The following CA5A variants were observed in gnomAD, a reference collection of about 807,000 sequenced individuals.
CA5A encodes carbonic anhydrase 5A.
Under a neutral mutation model 37.1 loss-of-function variants are expected in CA5A, and 28 were observed. That is an observed-to-expected ratio of 0.75 (90% CI 0.56 to 1.03). The LOEUF is 1.03. CA5A is among the 50% of genes least tolerant of loss of function. The pLI, the probability that CA5A is intolerant of heterozygous loss-of-function variation, is 0.00. For synonymous variants in CA5A, 171 were observed against 158.4 expected (o/e 1.08, Z -0.60); for missense variants, 444 against 399.9 (o/e 1.11, Z -0.94).
At chr16:87,895,810 G>T (rs147965755) in intron 5 of CA5A, among the ~76,000 whole-genome samples, 46 of 152,222 alleles carry the variant, frequency 3.0e-4, no homozygotes, top group African/African-American at 1.1e-3. Flanking sequence ...CGCTTTTGAG[G>T]CTCACCCACA....
Position 87,936,487 on chromosome 16 carries a change from G to A in CA5A, c.-37C>T. 1.2e-6 allele frequency: 2 copies of A among 1,611,166 alleles called. No homozygotes were observed. The highest frequency in any genetic ancestry group is 1.7e-6 in the Non-Finnish European group (2 of 1,179,042). On this transcript the variant is annotated 5_prime_UTR_variant, in exon 1 of 7. Coordinates refer to ENST00000649794, the MANE Select transcript of CA5A (RefSeq NM_001739.2). ...TCCCACTGACTCCAGTCTGAAGAGG[G>A]TGATGTTCCCTGCTGTCTGTTCTCA... is the stretch of plus-strand genomic sequence containing the variant.
intron 2 of CA5A, among the ~76,000 whole-genome samples, chr16:87,924,783 C>CGTCCCGCTTGTTG (rs886306385): frequency 2.6e-5 from 4 of 152,224 alleles, no homozygotes; most frequent in Non-Finnish European, 4.4e-5. Flanking sequence ...GTGGGGGCAG[C>CGTCCCGCTTGTTG]GTCCCGCTTG....
At chr16:87,924,851 A>T (rs1162455002) in intron 2 of CA5A, among the ~76,000 whole-genome samples, 1 of 152,218 alleles carries the variant, frequency 6.6e-6, no homozygotes, top group Non-Finnish European at 1.5e-5. Context: ...GCTGGCAGCC[A>T]TGTGGGAGTT....
intron 2 of CA5A, among the ~76,000 whole-genome samples, chr16:87,917,127 GAAAA>G: frequency 1.3e-5 from 1 of 75,856 alleles, no homozygotes; most frequent in Admixed American, 1.0e-4. Flanking sequence ...AAAAAGAAAA[GAAAA>G]GAAAGAAAAG....
chr16:87,902,019 G>C (rs773645029), intron 4 of CA5A, 45 bp from the exon 5 acceptor site: 24 of 1,509,706 alleles, frequency 1.6e-5, no homozygotes, highest in East Asian at 1.1e-4. Flanking sequence ...GGCAGTGGAT[G>C]GGGGGGGAAG....
intron 2 of CA5A, chr16:87,924,325 G>A: frequency 1.0e-6 from 1 of 984,802 alleles, no homozygotes; most frequent in Admixed American, 6.1e-5. Context: ...AGGCAGCGTG[G>A]CTCCTTCTCA....
intron 2 of CA5A, among the ~76,000 whole-genome samples, chr16:87,920,959 A>G (rs2056222105): frequency 6.6e-6 from 1 of 151,308 alleles, no homozygotes; most frequent in East Asian, 2.0e-4. Context: ...ACGCCTGGCT[A>G]CTTTTGTATT....
chr16:87,916,145 G>A (rs1286666603), intron 2 of CA5A, among the ~76,000 whole-genome samples: 1 of 145,568 alleles, frequency 6.9e-6, no homozygotes, highest in Non-Finnish European at 1.5e-5. Flanking sequence ...TCCAGCCTGG[G>A]TGACAGAGCA....
In CA5A at chr16:87,917,152, T is replaced by C. The variant is rs111401488; in HGVS notation, c.340+9596A>G. On this transcript the variant is annotated intron_variant, in intron 2 of 6. Transcript: ENST00000649794. ...GAAAAGAAAGAAAAGAAAAAAGAAA[T>C]GGGCTTCTGGATCCAAATGATAACA... 7.4e-3 allele frequency among the ~76,000 whole-genome samples: 1,060 copies of C among 142,966 alleles called. 13 individuals are homozygous for C. Among genetic ancestry groups the C allele is most frequent in the African/African-American group, 0.026 (1,010 of 38,508 alleles). The allele number at this position is 142,966 out of a possible 152,430, so 93.8% of individuals were successfully genotyped here. A position where few individuals can be genotyped will look rare whatever the true frequency, so the allele number is the denominator to read the frequency against.
intron 1 of CA5A, among the ~76,000 whole-genome samples, chr16:87,935,348 C>G (rs1183949382): frequency 3.3e-5 from 5 of 152,214 alleles, no homozygotes; most frequent in African/African-American, 1.2e-4. Flanking sequence ...AGTTTCTTGG[C>G]AGAGCTGGCT....
chr16:87,891,589 G>T (rs2055713922), intron 6 of CA5A, among the ~76,000 whole-genome samples: 1 of 152,218 alleles, frequency 6.6e-6, no homozygotes, highest in African/African-American at 2.4e-5. Flanking sequence ...GCGTTGCTCA[G>T]GACATGCTTG....
At chr16:87,914,308 A>G (rs1218387702) in intron 2 of CA5A, among the ~76,000 whole-genome samples, 1 of 152,204 alleles carries the variant, frequency 6.6e-6, no homozygotes, top group Non-Finnish European at 1.5e-5. Context: ...ATCACCGTCC[A>G]TCTCCTGCAT....
intron 5 of CA5A, among the ~76,000 whole-genome samples, chr16:87,900,211 G>A (rs535765820): frequency 6.6e-6 from 1 of 152,202 alleles, no homozygotes; most frequent in Non-Finnish European, 1.5e-5. Context: ...TGGTGTGGGA[G>A]GTGGAGGCTG....
At chr16:87,887,164 A>C (rs2055655224), downstream of CA5A, 1 of 152,216 alleles carries the variant, frequency 6.6e-6, no homozygotes, top group African/African-American at 2.4e-5. Context: ...CGGCCTCCCA[A>C]AGTGCTGGGA....
At position 87,936,183 on chromosome 16, in the gene CA5A, A is replaced by C. The variant is rs570540980; in HGVS notation, c.142+126T>G. On this transcript the variant is annotated intron_variant, in intron 1 of 6. Transcript: ENST00000649794. Reference sequence around the variant, plus strand: ...CGAGACGCCATCTTAAAAAAAAAAAAAAAAAAACGGAGTGGAAATCTGAAC... The same window carrying C: ...CGAGACGCCATCTTAAAAAAAAAAACAAAAAAACGGAGTGGAAATCTGAAC... The C allele has an allele frequency of 2.5e-4, 165 of 651,920 alleles. No homozygotes were observed. The African/African-American group carries it at 2.8e-3, about 11-fold the overall frequency. 40.4% of individuals were successfully genotyped at this position (651,920 alleles called of 1,614,324 possible).
At position 87,936,402 on chromosome 16, in the gene CA5A, C is replaced by T. The variant is rs746389407; in HGVS notation, c.49G>A (p.Glu17Lys). The change falls in exon 1 of 7, where the codon GAG becomes AAG. Residue 17 changes from glutamate (E) to lysine (K), a missense_variant. Coordinates refer to ENST00000649794, the MANE Select transcript of CA5A (RefSeq NM_001739.2). Reference sequence around the variant, plus strand: ...CTCCAGAGAGGGGCCCACATCTGCTCAACCAAGAAGGAGAAAGCTGAGGTC... The same window carrying T: ...CTCCAGAGAGGGGCCCACATCTGCTTAACCAAGAAGGAGAAAGCTGAGGTC... ...WKTSAFSFLV[E>K]QMWAPLWSRS... 6.2e-7 allele frequency: 1 copy of T among 1,614,076 alleles called. No homozygotes were observed. The highest frequency in any genetic ancestry group is 8.5e-7 in the Non-Finnish European group (1 of 1,179,956).
chr16:87,912,976 A>G (rs2056074261), intron 2 of CA5A, among the ~76,000 whole-genome samples: 1 of 150,926 alleles, frequency 6.6e-6, no homozygotes, highest in Non-Finnish European at 1.5e-5. Context: ...CTTCGCCAAC[A>G]AACCGCAACA....
At chr16:87,902,677 C>T (rs192557944) in intron 3 of CA5A, among the ~76,000 whole-genome samples, 157 bp from the exon 4 acceptor site, 54 of 151,270 alleles carry the variant, frequency 3.6e-4, no homozygotes, top group African/African-American at 1.1e-3. Context: ...GAGGCGGAGG[C>T]GGGTGGATCA....
chr16:87,911,613 C>T lies in CA5A; in HGVS notation c.341-6709G>A, dbSNP rs562506489. Among the ~76,000 whole-genome samples, 123 of 151,044 alleles carry T rather than the reference C, an allele frequency of 8.1e-4. No individual in the cohort carries two copies. The highest frequency in any genetic ancestry group is 2.8e-3 in the African/African-American group (117 of 41,256). The stretch of plus-strand genomic sequence containing the variant: ...CGTTCCCAAGCTGTAAAGGGTGACA[C>T]GGCTGAGGGCTTCTGTGTGCCACCT... On this transcript the variant is annotated intron_variant, in intron 2 of 6. Transcript: ENST00000649794. The surrounding 1 kb of genome is among the most constrained non-coding windows in gnomAD (Gnocchi z 4.6).
Sources: gnomAD v4.1 joint callset for allele counts (sites outside exome capture counted in the v4.1 genomes callset) on GRCh38, gnomAD v4.1.1 for gene constraint, Gnocchi (gnomAD v3.1) non-coding constraint, MANE v1.5 for transcripts, NCBI Gene and HGNC (gene_info 2026-07-23, HGNC 2026-07-21) for gene names.